Variants in FSTL4 observed in about 807,000 individuals in gnomAD.
The protein encoded by FSTL4 is follistatin-related protein 4.
A neutral mutation model predicts 78.2 loss-of-function variants in FSTL4; 28 were observed. The ratio of observed to expected loss-of-function variants is 0.36; its 90% CI spans 0.27 to 0.49. The LOEUF (loss-of-function observed/expected upper bound fraction) is 0.49. FSTL4 is among the 20% of genes least tolerant of loss of function. The pLI is 0.98. For synonymous variants in FSTL4, 422 were observed against 440.5 expected, an observed-to-expected ratio of 0.96 and a Z score of 0.53; for missense variants, 922 against 1,084.9, an observed-to-expected ratio of 0.85 and a Z score of 2.11.
chr5:133,571,256 C>A (rs1760148548), intron 2 of FSTL4, among the ~76,000 whole-genome samples: 1 of 152,130 alleles, frequency 6.6e-6, no homozygotes, highest in African/African-American at 2.4e-5. Flanking sequence ...TATTCCTATT[C>A]TTGAGTAGAT....
intron 8 of FSTL4, among the ~76,000 whole-genome samples, chr5:133,229,626 G>A (rs1751430948): frequency 1.3e-5 from 2 of 152,168 alleles, no homozygotes; most frequent in Admixed American, 6.5e-5. Context: ...GGGAGTGATT[G>A]TCATTTTGCT....
chr5:133,405,313 A>C (rs1756332306), intron 3 of FSTL4, among the ~76,000 whole-genome samples: 1 of 152,218 alleles, frequency 6.6e-6, no homozygotes, highest in South Asian at 2.1e-4. Flanking sequence ...AGAAGACCAG[A>C]GGCAGTGTGT....
chr5:133,786,387 T>A, the FSTL4 span, among the ~76,000 whole-genome samples: 56 of 152,370 alleles, frequency 3.7e-4, no homozygotes, highest in South Asian at 4.8e-3. Flanking sequence ...ATGCCCCTTA[T>A]GCACTTTTCA....
chr5:133,268,256 T>C (rs1752688467), intron 6 of FSTL4, among the ~76,000 whole-genome samples: 1 of 152,162 alleles, frequency 6.6e-6, no homozygotes, highest in Admixed American at 6.5e-5. Flanking sequence ...TCATCTATTG[T>C]CGCCCAAGCT....
chr5:133,768,331 G>A, the FSTL4 span, among the ~76,000 whole-genome samples: 3 of 152,142 alleles, frequency 2.0e-5, no homozygotes, highest in Admixed American at 6.5e-5. Flanking sequence ...CACCACCACC[G>A]GAAGTGTTGG....
At chr5:133,246,823 T>C (rs138630889) in intron 7 of FSTL4, 96 of 152,344 alleles carry the variant, frequency 6.3e-4, no homozygotes, top group African/African-American at 2.1e-3. Context: ...ATAGTAATGA[T>C]GACAGTGATA....
At chr5:133,519,478 C>T (rs1032228269) in intron 3 of FSTL4, among the ~76,000 whole-genome samples, 1 of 152,186 alleles carries the variant, frequency 6.6e-6, no homozygotes, top group African/African-American at 2.4e-5. Flanking sequence ...GCTGTCATGC[C>T]GCCAATCACC....
chr5:133,493,898 G>T (rs1421280660), intron 3 of FSTL4, among the ~76,000 whole-genome samples: 3 of 152,136 alleles, frequency 2.0e-5, no homozygotes, highest in African/African-American at 7.2e-5. Context: ...GAACCTTCTA[G>T]CCCCTTTCTT....
chr5:133,405,690 G>T (rs1056183949), intron 3 of FSTL4, among the ~76,000 whole-genome samples: 1 of 152,188 alleles, frequency 6.6e-6, no homozygotes, highest in African/African-American at 2.4e-5. Flanking sequence ...ACCCTCACAC[G>T]TGGCAAGGTG....
At chr5:133,518,880 T>G (rs560953840) in intron 3 of FSTL4, among the ~76,000 whole-genome samples, 1 of 152,334 alleles carries the variant, frequency 6.6e-6, no homozygotes, top group African/African-American at 2.4e-5. Flanking sequence ...AAATCGTTCT[T>G]AAAACCAAAT....
chr5:133,777,007 C>T, the FSTL4 span, among the ~76,000 whole-genome samples: 3 of 152,152 alleles, frequency 2.0e-5, no homozygotes, highest in Admixed American at 6.5e-5. Context: ...CTCAGCTTCC[C>T]ATCACTCATT....
chr5:133,393,590 G>A (rs533415491), intron 4 of FSTL4, among the ~76,000 whole-genome samples: 2 of 152,348 alleles, frequency 1.3e-5, no homozygotes, highest in South Asian at 4.1e-4. Flanking sequence ...GCCCAAAAGT[G>A]GAAGGGCAAC....
intron 2 of FSTL4, among the ~76,000 whole-genome samples, chr5:133,589,852 C>A (rs1205217992): frequency 1.3e-5 from 2 of 152,266 alleles, no homozygotes; most frequent in Middle Eastern, 6.8e-3. Context: ...CAGATGCAAA[C>A]CCTGGCTCCA....
At position 133,406,331 on chromosome 5, in the gene FSTL4, T is replaced by C. The variant is rs981359072; in HGVS notation, c.161-5345A>G. Reference sequence around the variant, plus strand: ...TAAACATCACCAGGCAGACTCAGTCTGCAGGGAGCTGTGAGGCAGATGCAA... The same window carrying C: ...TAAACATCACCAGGCAGACTCAGTCCGCAGGGAGCTGTGAGGCAGATGCAA... On this transcript the variant is annotated intron_variant, in intron 3 of 15. Coordinates refer to ENST00000265342, the MANE Select transcript of FSTL4 (RefSeq NM_015082.2). Among the ~76,000 whole-genome samples, 5 of 152,320 alleles carry C rather than the reference T, an allele frequency of 3.3e-5. No homozygotes were observed. The South Asian group carries it at 1.0e-3, about 32-fold the overall frequency.
intron 3 of FSTL4, among the ~76,000 whole-genome samples, chr5:133,524,611 C>T (rs75452487): frequency 0.036 from 5,507 of 152,270 alleles, 149 homozygotes; most frequent in South Asian, 0.13. Flanking sequence ...TTCCAAGCTG[C>T]GTCTCTTTGG....
In FSTL4 at chr5:133,527,492, CA is replaced by C. The variant is rs1580767565; in HGVS notation, c.160+39693del. Among the ~76,000 whole-genome samples the C allele has an allele frequency of 4.3e-4, 65 of 151,402 alleles. No individual in the cohort carries two copies. The East Asian group carries it at 4.8e-3, about 11-fold the overall frequency. On this transcript the variant is annotated intron_variant, in intron 3 of 15. Transcript: ENST00000265342. ...ACGTGTACACACACACACACACACA[CA>C]CACACACACCCATAAGTGCATTCAC...
At position 133,199,446 on chromosome 5, in the gene FSTL4, A is replaced by G; in HGVS notation, c.2178T>C (p.Tyr726=). The G allele has an allele frequency of 1.2e-6, 2 of 1,614,228 alleles. No individual in the cohort carries two copies. Among genetic ancestry groups the G allele is most frequent in the Non-Finnish European group, 1.7e-6 (2 of 1,180,024 alleles). Residue 726 remains tyrosine (Y), a synonymous_variant, in exon 16 of 16, where the codon TAT becomes TAC. Coordinates refer to ENST00000265342, the MANE Select transcript of FSTL4 (RefSeq NM_015082.2). This position sits in a 1 kb window ranked among gnomAD's most constrained non-coding sequence, Gnocchi z 4.4. ...AGATGCCCGAGTTTATTTGCAGGTC[A>G]TACAGGGTCTGGATCTCGCCCCGCA... ...ITVRGEIQTL[Y]DLQINSGISD...
chr5:133,404,556 C>T (rs985258451), intron 3 of FSTL4, among the ~76,000 whole-genome samples: 1 of 152,140 alleles, frequency 6.6e-6, no homozygotes, highest in Non-Finnish European at 1.5e-5. Context: ...ATTATGGCGG[C>T]AGGAGAAATG....
intron 4 of FSTL4, among the ~76,000 whole-genome samples, chr5:133,325,730 C>G (rs1754194468): frequency 6.6e-6 from 1 of 152,166 alleles, no homozygotes; most frequent in African/African-American, 2.4e-5. Context: ...AGTCACTGGG[C>G]TCCAGCCCCT....
Sources: allele counts gnomAD v4.1 joint callset (sites outside exome capture counted in the v4.1 genomes callset), GRCh38; gene constraint gnomAD v4.1.1; non-coding constraint Gnocchi (gnomAD v3.1); transcripts MANE v1.5; gene names NCBI Gene and HGNC (gene_info 2026-07-23, HGNC 2026-07-21).